Variants in MARK1 observed in about 807,000 individuals in gnomAD.
MARK1 encodes the protein serine/threonine-protein kinase MARK1.
MARK1 carries 40 observed loss-of-function variants against 96.3 expected under a neutral mutation model. The observed-to-expected ratio is 0.42, with a 90% CI of 0.32 to 0.54. MARK1 has a LOEUF of 0.54. Ranked by LOEUF, MARK1 falls within the 20% of genes least tolerant of loss-of-function variation. The pLI is 0.16. For missense variants in MARK1, 719 were observed against 984.6 expected (o/e 0.73, Z 3.61); for synonymous variants, 317 against 341.2 (o/e 0.93, Z 0.78).
At chr1:220,613,840 G>T (rs1022146018) in intron 6 of MARK1, among the ~76,000 whole-genome samples, 1 of 152,040 alleles carries the variant, frequency 6.6e-6, no homozygotes, top group Non-Finnish European at 1.5e-5. Flanking sequence ...ACATCTAGTG[G>T]TTCTGCAGTA....
intron 13 of MARK1, among the ~76,000 whole-genome samples, chr1:220,638,435 T>G (rs1357806881): frequency 6.6e-6 from 1 of 152,186 alleles, no homozygotes; most frequent in East Asian, 1.9e-4. Flanking sequence ...CATCAGCTTT[T>G]TCAATTGCTT....
At chr1:220,641,306 G>A (rs1425370127) in intron 13 of MARK1, among the ~76,000 whole-genome samples, 1 of 152,160 alleles carries the variant, frequency 6.6e-6, no homozygotes, top group Non-Finnish European at 1.5e-5. Context: ...GCCTTTAGGA[G>A]GTGATTAGGT....
At chr1:220,621,584 T>G (rs1667054489) in intron 9 of MARK1, among the ~76,000 whole-genome samples, 1 of 152,146 alleles carries the variant, frequency 6.6e-6, no homozygotes, top group Admixed American at 6.5e-5. Context: ...CAGTGTCTTT[T>G]AACTACTTGT....
chr1:220,596,574 G>A (rs1665371000), intron 3 of MARK1, among the ~76,000 whole-genome samples: 1 of 152,120 alleles, frequency 6.6e-6, no homozygotes, highest in Admixed American at 6.6e-5. Context: ...GTTTATGTAG[G>A]AATTATTGAG....
intron 1 of MARK1, among the ~76,000 whole-genome samples, chr1:220,561,347 T>C (rs568471923): frequency 1.3e-5 from 2 of 152,262 alleles, no homozygotes; most frequent in South Asian, 4.1e-4. Flanking sequence ...TAAACTTTCT[T>C]AAAACATTAC....
chr1:220,547,262 TA>T (rs1661567088), intron 1 of MARK1, among the ~76,000 whole-genome samples: 1 of 152,110 alleles, frequency 6.6e-6, no homozygotes, highest in South Asian at 2.1e-4. Flanking sequence ...TAAAAGGAAA[TA>T]AAGTATTTAC....
chr1:220,643,595 C>A (rs1668404685), intron 13 of MARK1, among the ~76,000 whole-genome samples: 1 of 152,024 alleles, frequency 6.6e-6, no homozygotes, highest in African/African-American at 2.4e-5. Flanking sequence ...AGATACTCCA[C>A]AAGATCAACC....
At chr1:220,620,415 A>G (rs1453812361) in intron 9 of MARK1, among the ~76,000 whole-genome samples, 1 of 152,192 alleles carries the variant, frequency 6.6e-6, no homozygotes, top group South Asian at 2.1e-4. Context: ...TTTTGTGACT[A>G]ACTTTTATCA....
intron 1 of MARK1, among the ~76,000 whole-genome samples, chr1:220,551,507 C>T (rs1189266672): frequency 6.6e-6 from 1 of 152,166 alleles, no homozygotes; most frequent in Non-Finnish European, 1.5e-5. Flanking sequence ...CTTAACCATA[C>T]TTAAGATAAA....
chr1:220,589,717 A>G (rs1664859536), intron 3 of MARK1, among the ~76,000 whole-genome samples: 2 of 152,244 alleles, frequency 1.3e-5, no homozygotes, highest in African/African-American at 4.8e-5. Flanking sequence ...TTTGAAGGGG[A>G]ATAGTAAATT....
chr1:220,558,266 T>G (rs901558086), intron 1 of MARK1, among the ~76,000 whole-genome samples: 1 of 151,254 alleles, frequency 6.6e-6, no homozygotes, highest in Admixed American at 6.6e-5. Context: ...TATTTTATTA[T>G]GCATTATGCA....
chr1:220,567,514 C>T (rs116250208), intron 1 of MARK1, among the ~76,000 whole-genome samples: 120 of 152,238 alleles, frequency 7.9e-4, no homozygotes, highest in African/African-American at 2.7e-3. Context: ...AGGCCTCTTC[C>T]GATTCCTGAA....
chr1:220,643,446 A>G (rs1473000976), intron 13 of MARK1, among the ~76,000 whole-genome samples: 2 of 151,566 alleles, frequency 1.3e-5, no homozygotes, highest in Non-Finnish European at 3.0e-5. Flanking sequence ...ATGTAAAAGG[A>G]CTGATTGGAG....
At chr1:220,565,130 A>T (rs1662956328) in intron 1 of MARK1, among the ~76,000 whole-genome samples, 1 of 152,214 alleles carries the variant, frequency 6.6e-6, no homozygotes, top group Non-Finnish European at 1.5e-5. Flanking sequence ...TTTCATTAAG[A>T]ATAGAACAGT....
At chr1:220,548,316 A>G (rs1462321354) in intron 1 of MARK1, among the ~76,000 whole-genome samples, 1 of 152,254 alleles carries the variant, frequency 6.6e-6, no homozygotes, top group South Asian at 2.1e-4. Context: ...TTAAGTTGAT[A>G]TGATTATTAG....
rs780946470 is a variant in MARK1, at chr1:220,616,001, C to T, written c.552+6C>T. 3.5e-5 allele frequency: 51 copies of T among 1,461,046 alleles called. No homozygotes were observed. In the South Asian group the frequency reaches 6.4e-4, roughly 18 times the overall value. 90.5% of individuals were successfully genotyped at this position (1,461,046 alleles called of 1,614,324 possible). On this transcript the variant is annotated splice_donor_region_variant and intron_variant, in intron 7 of 17. Coordinates refer to ENST00000366917, the MANE Select transcript of MARK1 (RefSeq NM_018650.5). Reference sequence around the variant, plus strand: ...TTGTTCACCGTGATCTTAAGGTAAGCTTCTGAGTGTAATTTTTTTAAAAAA... The same window carrying T: ...TTGTTCACCGTGATCTTAAGGTAAGTTTCTGAGTGTAATTTTTTTAAAAAA...
chr1:220,660,973 G>C (rs1669446239), intron 17 of MARK1, among the ~76,000 whole-genome samples: 1 of 152,152 alleles, frequency 6.6e-6, no homozygotes, highest in African/African-American at 2.4e-5. Context: ...CAGGCTAAGG[G>C]GGCTTGGCCA....
At chr1:220,658,427 G>A (rs1669292581) in intron 17 of MARK1, among the ~76,000 whole-genome samples, 2 of 152,304 alleles carry the variant, frequency 1.3e-5, no homozygotes, top group Admixed American at 6.5e-5. Flanking sequence ...TCTGATTCAG[G>A]GGCCGAGGCA....
At chr1:220,594,109 C>T (rs1039977834) in intron 3 of MARK1, among the ~76,000 whole-genome samples, 14 of 152,198 alleles carry the variant, frequency 9.2e-5, no homozygotes, top group African/African-American at 3.4e-4. Context: ...TTCTACATTT[C>T]CTACTGTCCA....
Sources: allele counts gnomAD v4.1 joint callset (sites outside exome capture counted in the v4.1 genomes callset), GRCh38; gene constraint gnomAD v4.1.1; transcripts MANE v1.5; gene names NCBI Gene and HGNC (gene_info 2026-07-23, HGNC 2026-07-21).